Variants in SLC25A17 observed in about 807,000 individuals in gnomAD.
The protein encoded by SLC25A17 is solute carrier family 25 member 17, also known as peroxisomal membrane protein PMP34.
SLC25A17 carries 26 observed loss-of-function variants against 38.5 expected under a neutral mutation model. The observed-to-expected ratio is 0.68, with a 90% CI of 0.50 to 0.94. The LOEUF is 0.94. SLC25A17 is among the 40% of genes least tolerant of loss of function. SLC25A17 has a pLI of 0.00. For missense variants in SLC25A17, 333 were observed against 372.7 expected (o/e 0.89, Z 0.88); for synonymous variants, 139 against 136.2 (o/e 1.02, Z -0.14).
chr22:40,816,912 A>C (rs1248114469), intron 1 of SLC25A17, among the ~76,000 whole-genome samples: 1 of 151,952 alleles, frequency 6.6e-6, no homozygotes, highest in African/African-American at 2.4e-5. Context: ...CACCCAGCCT[A>C]TTCATTTATT....
rs10640211 is a variant in SLC25A17, at chr22:40,798,660, T to TAAAAA, written c.115+358_115+362dup. 4.7e-3 allele frequency among the ~76,000 whole-genome samples: 347 copies of TAAAAA among 74,146 alleles called. 7 individuals are homozygous for TAAAAA. The highest frequency in any genetic ancestry group is 7.8e-3 in the East Asian group (17 of 2,184). 48.6% of individuals were successfully genotyped at this position (74,146 alleles called of 152,430 possible). A position where few individuals can be genotyped will look rare whatever the true frequency, so the allele number is the denominator to read the frequency against. On this transcript the variant is annotated intron_variant, in intron 2 of 8. Coordinates refer to ENST00000435456, the MANE Select transcript of SLC25A17 (RefSeq NM_006358.4). ...CTAGAAAAATAAAAGCACACATACA[T>TAAAAA]AAAAAAAAAAAAAAAAAAAAAAAGA...
chr22:40,777,356 T>C lies in SLC25A17; in HGVS notation c.469A>G (p.Ile157Val), dbSNP rs374468567. 7 of 1,613,268 alleles carry C rather than the reference T, an allele frequency of 4.3e-6. No homozygotes were observed. In the African/African-American group the frequency reaches 6.7e-5, roughly 15 times the overall value. The stretch of plus-strand genomic sequence containing the variant: ...AAAGCCGAGATTCCTTCATCGCGAA[T>C]GATCTGATGAAAAGCATCTAAGCAA... ...KGIIDAFHQI[I>V]RDEGISALWN... Residue 157 changes from isoleucine to valine, a missense_variant, in exon 6 of 9, where the codon ATT (isoleucine) becomes GTT (valine). Physicochemically the swap from Ile to Val is conservative, Grantham distance 29. Transcript: ENST00000435456.
At chr22:40,815,879 TAAAC>T (rs1366650981) in intron 1 of SLC25A17, among the ~76,000 whole-genome samples, 1 of 152,198 alleles carries the variant, frequency 6.6e-6, no homozygotes, top group Middle Eastern at 3.2e-3. Flanking sequence ...GATTCAGGCA[TAAAC>T]AAAGTTAGAA....
intron 7 of SLC25A17, 145 bp downstream of exon 7, chr22:40,776,895 A>T: frequency 1.4e-6 from 1 of 729,970 alleles, no homozygotes; most frequent in Non-Finnish European, 2.2e-6. Context: ...TCCTGTCTCA[A>T]AAAAAGAAAA....
chr22:40,774,622 A>G (rs942018174), intron 7 of SLC25A17, among the ~76,000 whole-genome samples: 1 of 152,344 alleles, frequency 6.6e-6, no homozygotes, highest in African/African-American at 2.4e-5. Flanking sequence ...GCCCAGGATG[A>G]TGATTTAGAT....
At chr22:40,780,273 C>G (rs2057282714) in intron 4 of SLC25A17, 1 of 152,162 alleles carries the variant, frequency 6.6e-6, no homozygotes, top group African/African-American at 2.4e-5. Flanking sequence ...TGCTGCCTAT[C>G]TCTAAGGAGC....
chr22:40,784,034 C>G lies in SLC25A17; in HGVS notation c.335-4909G>C, dbSNP rs1309202801. 2.6e-5 allele frequency among the ~76,000 whole-genome samples: 4 copies of G among 152,212 alleles called. No individual in the cohort carries two copies. The East Asian group carries it at 7.7e-4, about 29-fold the overall frequency. On this transcript the variant is annotated intron_variant, in intron 4 of 8. Transcript: ENST00000435456. The stretch of plus-strand genomic sequence containing the variant: ...GTACCTCTTTCTAACCCTCAGTACT[C>G]TCTATCCCTTCTCTGCTTAAATTTT...
intron 4 of SLC25A17, among the ~76,000 whole-genome samples, chr22:40,785,513 C>T (rs2057330567): frequency 6.6e-6 from 1 of 152,184 alleles, no homozygotes; most frequent in South Asian, 2.1e-4. Context: ...GAGGTCATAG[C>T]AGGTACACAG....
At chr22:40,779,347 C>G in intron 4 of SLC25A17, 2 of 1,264,544 alleles carry the variant, frequency 1.6e-6, no homozygotes, top group Non-Finnish European at 2.1e-6. Context: ...GGCAGCAGCT[C>G]TCCAGATGAA....
chr22:40,810,576 A>G (rs1478712803), intron 1 of SLC25A17, among the ~76,000 whole-genome samples: 1 of 151,986 alleles, frequency 6.6e-6, no homozygotes, highest in Non-Finnish European at 1.5e-5. Context: ...CAAACTCCCA[A>G]CCTCAGGTGA....
intron 7 of SLC25A17, among the ~76,000 whole-genome samples, chr22:40,775,034 C>T (rs2057227139): frequency 6.6e-6 from 1 of 152,282 alleles, no homozygotes; most frequent in Middle Eastern, 3.4e-3. Context: ...CCCTGGCTTT[C>T]TCTCTTAGCT....
intron 3 of SLC25A17, 114 bp from the exon 4 acceptor site, chr22:40,792,790 C>G: frequency 9.8e-7 from 1 of 1,015,964 alleles, no homozygotes; most frequent in Non-Finnish European, 1.4e-6. Context: ...CACTCCTACA[C>G]GAATACAAGG....
intron 1 of SLC25A17, among the ~76,000 whole-genome samples, chr22:40,807,014 G>A (rs540424715): frequency 1.5e-4 from 23 of 152,138 alleles, no homozygotes; most frequent in Non-Finnish European, 2.6e-4. Context: ...CACCATGCCC[G>A]GCCATGGCTT....
chr22:40,793,217 A>G (rs2057399108), intron 3 of SLC25A17, among the ~76,000 whole-genome samples: 1 of 152,212 alleles, frequency 6.6e-6, no homozygotes, highest in African/African-American at 2.4e-5. Flanking sequence ...ATAAGTAGAT[A>G]AATAAATGAA....
rs117100126 is a variant in SLC25A17 at position 40,810,626 on chromosome 22, C to T, written c.54+8569G>A. ...CCTCCCAGAGTGCTAGGATTACAGG[C>T]GTAAGCCACCGAGCATTAAATATTC... On this transcript the variant is annotated intron_variant, in intron 1 of 8. Coordinates refer to ENST00000435456, the MANE Select transcript of SLC25A17 (RefSeq NM_006358.4). 3.9e-3 allele frequency among the ~76,000 whole-genome samples: 597 copies of T among 152,200 alleles called. 1 individual carries two copies. The highest frequency in any genetic ancestry group is 6.5e-3 in the Non-Finnish European group (440 of 68,004).
In SLC25A17 at chr22:40,789,289, G is replaced by A. The variant is rs780125228; in HGVS notation, c.334+3236C>T. On this transcript the variant is annotated intron_variant, in intron 4 of 8. Transcript: ENST00000435456. This position sits in a 1 kb window ranked among gnomAD's most constrained non-coding sequence, Gnocchi z 4.5. ...GCATGGGCTGCAGCCCGGTCCCTGC[G>A]TCCTACAGAGACACCGTCCACGCGG... is the stretch of plus-strand genomic sequence containing the variant. 3.2e-5 allele frequency: 5 copies of A among 157,886 alleles called. No individual in the cohort carries two copies. The highest frequency in any genetic ancestry group is 6.5e-5 in the Admixed American group (1 of 15,362). The allele number at this position is 157,886 out of a possible 1,614,324, so 9.8% of individuals were successfully genotyped here.
intron 3 of SLC25A17, among the ~76,000 whole-genome samples, chr22:40,793,060 A>G (rs1433414915): frequency 6.6e-6 from 1 of 152,218 alleles, no homozygotes; most frequent in Non-Finnish European, 1.5e-5. Flanking sequence ...TATCAAAAAA[A>G]AAAAAGATGG....
chr22:40,805,145 G>C (rs900685720), intron 1 of SLC25A17, among the ~76,000 whole-genome samples: 4 of 152,172 alleles, frequency 2.6e-5, no homozygotes, highest in African/African-American at 9.7e-5. Flanking sequence ...GACCAGCCTA[G>C]CTAAAACGGT....
intron 1 of SLC25A17, among the ~76,000 whole-genome samples, chr22:40,807,790 T>C (rs2057543280): frequency 6.6e-6 from 1 of 151,994 alleles, no homozygotes; most frequent in Non-Finnish European, 1.5e-5. Flanking sequence ...ATGCTAAAGG[T>C]AAATTTGGAA....
Sources: gnomAD v4.1 joint callset for allele counts (sites outside exome capture counted in the v4.1 genomes callset) on GRCh38, gnomAD v4.1.1 for gene constraint, Gnocchi (gnomAD v3.1) non-coding constraint, MANE v1.5 for transcripts, NCBI Gene and HGNC (gene_info 2026-07-23, HGNC 2026-07-21) for gene names.